Variants in CDH13 observed in about 807,000 individuals in gnomAD.
CDH13 encodes the protein cadherin-13.
CDH13 carries 24 observed loss-of-function variants against 63.8 expected under a neutral mutation model. That is an observed-to-expected ratio of 0.38 (90% confidence interval 0.27 to 0.53). The LOEUF is 0.53. CDH13 is among the 20% of genes least tolerant of loss of function. The probability of loss-of-function intolerance (pLI) is 0.85; values close to 1 mark genes in which losing one functional copy is unlikely to be tolerated. For synonymous variants in CDH13, 503 were observed against 355.3 expected (o/e 1.42, Z -4.67); for missense variants, 1,049 against 903.1 (o/e 1.16, Z -2.07).
At chr16:83,054,650 A>G (rs1207066494) in intron 3 of CDH13, among the ~76,000 whole-genome samples, 3 of 152,224 alleles carry the variant, frequency 2.0e-5, no homozygotes, top group African/African-American at 7.2e-5. Flanking sequence ...AAAACTACAG[A>G]AAGCAAAACT....
At chr16:83,310,317 A>C (rs2089971774) in intron 5 of CDH13, among the ~76,000 whole-genome samples, 1 of 152,224 alleles carries the variant, frequency 6.6e-6, no homozygotes, top group African/African-American at 2.4e-5. Flanking sequence ...ATTTTTGATA[A>C]GGTAAATTAG....
At chr16:83,497,255 C>G (rs1001474264) in intron 7 of CDH13, among the ~76,000 whole-genome samples, 3 of 151,836 alleles carry the variant, frequency 2.0e-5, no homozygotes, top group Non-Finnish European at 4.4e-5. Flanking sequence ...AGACTTGGAA[C>G]CAACCCAAAT....
chr16:83,085,229 A>G (rs1470909724), intron 3 of CDH13, among the ~76,000 whole-genome samples: 2 of 152,142 alleles, frequency 1.3e-5, no homozygotes, highest in African/African-American at 2.4e-5. Flanking sequence ...CATGAGAAAG[A>G]AGCAAAAGCA....
chr16:83,497,158 TG>T (rs1461652970), intron 7 of CDH13, among the ~76,000 whole-genome samples: 1 of 152,166 alleles, frequency 6.6e-6, no homozygotes, highest in Non-Finnish European at 1.5e-5. Context: ...ATCCCATTAC[TG>T]GGTATATACC....
chr16:83,161,266 ATG>A (rs2037431437), intron 4 of CDH13, among the ~76,000 whole-genome samples: 1 of 152,206 alleles, frequency 6.6e-6, no homozygotes, highest in African/African-American at 2.4e-5. Context: ...ACAGAGAATC[ATG>A]TCTGTAATCC....
chr16:83,531,347 T>C (rs1236077857), intron 7 of CDH13, among the ~76,000 whole-genome samples: 1 of 152,174 alleles, frequency 6.6e-6, no homozygotes, highest in African/African-American at 2.4e-5. Context: ...AAGGTGTGTG[T>C]GATAGACTAA....
intron 5 of CDH13, among the ~76,000 whole-genome samples, chr16:83,292,650 G>A (rs1052021646): frequency 6.6e-6 from 1 of 152,048 alleles, no homozygotes; most frequent in Non-Finnish European, 1.5e-5. Flanking sequence ...TCTTTGGGGT[G>A]ATAAAAATGA....
intron 5 of CDH13, among the ~76,000 whole-genome samples, chr16:83,223,086 TAGAG>T (rs1400153241): frequency 8.3e-6 from 1 of 121,142 alleles, no homozygotes; most frequent in Non-Finnish European, 1.9e-5. Context: ...GAACCACTGT[TAGAG>T]AGAAGTGTCA....
Position 82,817,433 on chromosome 16 carries a change from T to C in CDH13, c.46-40929T>C, listed in dbSNP as rs74029071. On this transcript the variant is annotated intron_variant, in intron 1 of 13. Coordinates refer to ENST00000567109, the MANE Select transcript of CDH13 (RefSeq NM_001257.5). Reference sequence around the variant, plus strand: ...CCCAGTTACCTCCAAGGAGAAGGGATGATAAATATAACAGTGACAAAATAC... The same window carrying C: ...CCCAGTTACCTCCAAGGAGAAGGGACGATAAATATAACAGTGACAAAATAC... 2.3e-3 allele frequency among the ~76,000 whole-genome samples: 351 copies of C among 152,244 alleles called. 1 individual carries two copies. Among genetic ancestry groups the C allele is most frequent in the African/African-American group, 8.2e-3 (341 of 41,534 alleles).
chr16:83,193,999 T>C (rs4352036), intron 4 of CDH13, among the ~76,000 whole-genome samples: 2,358 of 152,290 alleles, frequency 0.015, 92 homozygotes, highest in South Asian at 0.12. Flanking sequence ...AAGAGTCCGA[T>C]GTTTTCATTA....
intron 2 of CDH13, among the ~76,000 whole-genome samples, chr16:82,992,798 C>T (rs138538452): frequency 2.0e-3 from 302 of 152,214 alleles, no homozygotes; most frequent in South Asian, 3.7e-3. Context: ...AAAAATTAAG[C>T]AATAATGGGA....
chr16:82,674,699 A>T lies in CDH13; in HGVS notation c.45+47562A>T, dbSNP rs146344010. On this transcript the variant is annotated intron_variant, in intron 1 of 13. Coordinates refer to ENST00000567109, the MANE Select transcript of CDH13 (RefSeq NM_001257.5). ...TGTGTCAGCCATCTCCTGTGCTAAC[A>T]TTTTTTCCAAGTCAATTACTTTGTG... 2.6e-3 allele frequency among the ~76,000 whole-genome samples: 395 copies of T among 152,286 alleles called. 2 individuals are homozygous for T. The highest frequency in any genetic ancestry group is 9.1e-3 in the African/African-American group (378 of 41,556).
At chr16:82,975,143 C>T (rs926756540) in intron 2 of CDH13, among the ~76,000 whole-genome samples, 6 of 152,160 alleles carry the variant, frequency 3.9e-5, no homozygotes, top group African/African-American at 1.4e-4. Flanking sequence ...GAATTCCTTC[C>T]AATAAAGTAG....
intron 3 of CDH13, among the ~76,000 whole-genome samples, chr16:83,040,540 A>C (rs1046452494): frequency 6.6e-6 from 1 of 152,178 alleles, no homozygotes; most frequent in Admixed American, 6.5e-5. Flanking sequence ...GGAAGCATCC[A>C]ACATGGGAGA....
chr16:83,529,218 C>T (rs991792207), intron 7 of CDH13, among the ~76,000 whole-genome samples: 3 of 151,828 alleles, frequency 2.0e-5, no homozygotes, highest in African/African-American at 4.8e-5. Context: ...AGGTCAGACT[C>T]TGAAGTCCAG....
chr16:83,632,987 C>G (rs1036202257), intron 8 of CDH13, among the ~76,000 whole-genome samples: 3 of 151,960 alleles, frequency 2.0e-5, no homozygotes, highest in African/African-American at 7.3e-5. Context: ...TGTCATGGCA[C>G]TGGTGGGAGT....
chr16:83,485,028 C>T (rs139936272), intron 6 of CDH13, among the ~76,000 whole-genome samples: 1 of 152,180 alleles, frequency 6.6e-6, no homozygotes, highest in Admixed American at 6.5e-5. Flanking sequence ...CATTCCTCAA[C>T]CTAACATTTT....
intron 1 of CDH13, among the ~76,000 whole-genome samples, chr16:82,812,482 C>T (rs77892504): frequency 0.011 from 1,640 of 152,060 alleles, 29 homozygotes; most frequent in African/African-American, 0.037. Flanking sequence ...GGAGAAAAGC[C>T]AGGTGAGGTG....
At chr16:83,788,751 G>A (rs538165302) in intron 13 of CDH13, among the ~76,000 whole-genome samples, 129 of 152,298 alleles carry the variant, frequency 8.5e-4, no homozygotes, top group African/African-American at 3.0e-3. Context: ...TTATGTGCTC[G>A]TCTAAGGGGA....
Sources: allele counts gnomAD v4.1 joint callset (sites outside exome capture counted in the v4.1 genomes callset), GRCh38; gene constraint gnomAD v4.1.1; transcripts MANE v1.5; gene names NCBI Gene and HGNC (gene_info 2026-07-23, HGNC 2026-07-21).